The following CRPPA variants were observed in gnomAD, a reference collection of about 807,000 sequenced individuals.
CRPPA encodes D-ribitol-5-phosphate cytidylyltransferase.
CRPPA carries 43 observed loss-of-function variants against 52.0 expected under a neutral mutation model. That is an observed-to-expected ratio of 0.83 (90% confidence interval 0.65 to 1.07). The LOEUF (loss-of-function observed/expected upper bound fraction) is 1.07. Among genes scored for constraint, CRPPA ranks in the 50% least tolerant of loss-of-function variants. CRPPA has a pLI of 0.00. For missense variants in CRPPA, 629 were observed against 551.7 expected, an observed-to-expected ratio of 1.14 and a Z score of -1.40; for synonymous variants, 250 against 203.5, an observed-to-expected ratio of 1.23 and a Z score of -1.94.
At chr7:16,194,405 C>T (rs552564079) in intron 9 of CRPPA, among the ~76,000 whole-genome samples, 3 of 152,262 alleles carry the variant, frequency 2.0e-5, no homozygotes, top group Non-Finnish European at 4.4e-5. Flanking sequence ...AAGTTTCATA[C>T]TCCCTTACTT....
intron 1 of CRPPA, among the ~76,000 whole-genome samples, chr7:16,417,070 T>A (rs1021493758): frequency 1.3e-5 from 2 of 151,804 alleles, no homozygotes; most frequent in African/African-American, 4.8e-5. Flanking sequence ...TAGTCAGAAA[T>A]GCAAATCAAA....
intron 9 of CRPPA, among the ~76,000 whole-genome samples, chr7:16,177,360 T>G (rs1045034375): frequency 1.3e-5 from 2 of 152,142 alleles, no homozygotes; most frequent in Non-Finnish European, 2.9e-5. Flanking sequence ...GTATATAATA[T>G]GTCCTATTTG....
At chr7:16,095,034 G>A (rs7798150) in intron 9 of CRPPA, among the ~76,000 whole-genome samples, 5,543 of 152,132 alleles carry the variant, frequency 0.036, 321 homozygotes, top group African/African-American at 0.12. Flanking sequence ...AAATTGTAAC[G>A]AACACATATT....
At chr7:16,239,731 A>G (rs960469477) in intron 8 of CRPPA, among the ~76,000 whole-genome samples, 3 of 152,168 alleles carry the variant, frequency 2.0e-5, no homozygotes, top group African/African-American at 7.2e-5. Flanking sequence ...TTCATCTTAA[A>G]TGTTATAAAC....
At chr7:16,216,244 T>A (rs1306002575) in intron 8 of CRPPA, 47 bp from the exon 9 acceptor site, 1 of 1,262,068 alleles carries the variant, frequency 7.9e-7, no homozygotes, top group East Asian at 2.5e-5. Flanking sequence ...CCCTTCAACT[T>A]TCTCTGGAGG....
At chr7:16,228,796 T>C (rs1374930704) in intron 8 of CRPPA, among the ~76,000 whole-genome samples, 1 of 151,992 alleles carries the variant, frequency 6.6e-6, no homozygotes, top group East Asian at 1.9e-4. Flanking sequence ...GAATATCCTA[T>C]GTATGTCTGT....
intron 9 of CRPPA, among the ~76,000 whole-genome samples, chr7:16,114,322 G>C (rs971544273): frequency 1.4e-5 from 2 of 147,716 alleles, no homozygotes; most frequent in Non-Finnish European, 3.0e-5. Context: ...ACACACCTTT[G>C]ATACCATTTA....
At chr7:16,266,860 C>A (rs752178484) in intron 6 of CRPPA, among the ~76,000 whole-genome samples, 1 of 152,092 alleles carries the variant, frequency 6.6e-6, no homozygotes, top group Non-Finnish European at 1.5e-5. Flanking sequence ...TTCTTTCTGT[C>A]GAGCTTTCAT....
intron 3 of CRPPA, among the ~76,000 whole-genome samples, chr7:16,374,552 A>T (rs770350650): frequency 2.6e-5 from 4 of 152,078 alleles, no homozygotes; most frequent in Non-Finnish European, 4.4e-5. Context: ...TCAGCTCCCA[A>T]ATGGTCAACA....
chr7:16,297,629 A>G (rs2128421988), intron 5 of CRPPA, among the ~76,000 whole-genome samples: 1 of 152,372 alleles, frequency 6.6e-6, no homozygotes, highest in East Asian at 1.9e-4. Flanking sequence ...CTGAAATCCA[A>G]AAAGTTCTTA....
At chr7:16,268,322 A>T (rs1784005852) in intron 6 of CRPPA, among the ~76,000 whole-genome samples, 1 of 152,160 alleles carries the variant, frequency 6.6e-6, no homozygotes, top group Non-Finnish European at 1.5e-5. Flanking sequence ...TAGCTTACCG[A>T]AGAGTCCTTT....
intron 8 of CRPPA, among the ~76,000 whole-genome samples, chr7:16,228,258 A>T (rs1782702260): frequency 6.6e-6 from 1 of 151,814 alleles, no homozygotes; most frequent in Non-Finnish European, 1.5e-5. Flanking sequence ...GCCCTTCAAA[A>T]AAACTCACTC....
At chr7:16,185,700 G>C (rs1319129142) in intron 9 of CRPPA, among the ~76,000 whole-genome samples, 2 of 152,082 alleles carry the variant, frequency 1.3e-5, no homozygotes, top group African/African-American at 2.4e-5. Flanking sequence ...ATTCCACTAG[G>C]GGTTGAAAGT....
At chr7:16,305,445 C>G (rs1003622030) in intron 4 of CRPPA, among the ~76,000 whole-genome samples, 1 of 152,206 alleles carries the variant, frequency 6.6e-6, no homozygotes, top group Admixed American at 6.5e-5. Flanking sequence ...GAGTAGAGCT[C>G]TCTACTTCCA....
At chr7:16,322,336 G>A (rs1322931387) in intron 3 of CRPPA, among the ~76,000 whole-genome samples, 1 of 152,136 alleles carries the variant, frequency 6.6e-6, no homozygotes, top group Non-Finnish European at 1.5e-5. Context: ...ATAGCTTTCA[G>A]AAAGAAGCCT....
At chr7:16,410,434 T>G (rs1788053499) in intron 1 of CRPPA, among the ~76,000 whole-genome samples, 1 of 152,222 alleles carries the variant, frequency 6.6e-6, no homozygotes, top group African/African-American at 2.4e-5. Context: ...GTGACAGTTC[T>G]TCAATCCCTC....
chr7:16,416,291 G>A (rs1170014473), intron 1 of CRPPA, among the ~76,000 whole-genome samples: 1 of 152,098 alleles, frequency 6.6e-6, no homozygotes, highest in Non-Finnish European at 1.5e-5. Flanking sequence ...TTCCATAAAT[G>A]TTGGTAGGAT....
chr7:16,371,502 T>C (rs1786747750), intron 3 of CRPPA, among the ~76,000 whole-genome samples: 1 of 151,000 alleles, frequency 6.6e-6, no homozygotes, highest in South Asian at 2.1e-4. Context: ...GTAATAAACA[T>C]TAAAGTCAGA....
At position 16,286,070 on chromosome 7, in the gene CRPPA, T is replaced by TTTAAAAAAAA. The variant is rs1562608552; in HGVS notation, c.836-7845_836-7844insTTTTTTTTAA. 6.9e-3 allele frequency among the ~76,000 whole-genome samples: 150 copies of TTTAAAAAAAA among 21,764 alleles called. 6 individuals carry two copies. The highest frequency in any genetic ancestry group is 9.3e-3 in the Non-Finnish European group (117 of 12,640). The allele number at this position is 21,764 out of a possible 152,430, so 14.3% of individuals were successfully genotyped here. A position where few individuals can be genotyped will look rare whatever the true frequency, so the allele number is the denominator to read the frequency against. ...ATATATATATATATATATATATATA[T>TTTAAAAAAAA]ATATATATATAATATTTAAAAAAAA... On this transcript the variant is annotated intron_variant, in intron 5 of 9. Coordinates refer to ENST00000407010, the MANE Select transcript of CRPPA (RefSeq NM_001101426.4).
Sources: gnomAD v4.1 joint callset for allele counts (sites outside exome capture counted in the v4.1 genomes callset) on GRCh38, gnomAD v4.1.1 for gene constraint, MANE v1.5 for transcripts, NCBI Gene and HGNC (gene_info 2026-07-23, HGNC 2026-07-21) for gene names.